The following EEA1 variants were observed in gnomAD, a reference collection of about 807,000 sequenced individuals.
The protein encoded by EEA1 is early endosome antigen 1.
In EEA1, 111 loss-of-function variants were observed where a neutral mutation model predicts 209.2. The observed-to-expected ratio is 0.53, with a 90% confidence interval of 0.45 to 0.62. The LOEUF is 0.62. Among genes scored for constraint, EEA1 ranks in the 20% least tolerant of loss-of-function variants. EEA1 has a pLI of 0.00. For missense variants in EEA1, 1,343 were observed against 1,530.8 expected (o/e 0.88, Z 2.05); for synonymous variants, 536 against 540.6 (o/e 0.99, Z 0.12).
intron 3 of EEA1, among the ~76,000 whole-genome samples, chr12:92,864,034 G>C (rs543216727): frequency 6.6e-6 from 1 of 152,020 alleles, no homozygotes; most frequent in Non-Finnish European, 1.5e-5. Context: ...AAAAATACCC[G>C]AGAGCATTAG....
chr12:92,857,245 A>C, intron 5 of EEA1, 30 bp downstream of exon 5: 1 of 1,521,976 alleles, frequency 6.6e-7, no homozygotes. Flanking sequence ...ACAACTAATA[A>C]ACATGCTTTA....
chr12:92,847,914 G>T (rs1213976741), intron 9 of EEA1, among the ~76,000 whole-genome samples: 2 of 152,054 alleles, frequency 1.3e-5, no homozygotes, highest in African/African-American at 4.8e-5. Context: ...GCTCAAAAGA[G>T]TAAGAGTTTG....
chr12:92,876,558 G>A (rs1878894696), intron 2 of EEA1, among the ~76,000 whole-genome samples: 1 of 152,058 alleles, frequency 6.6e-6, no homozygotes, highest in South Asian at 2.1e-4. Flanking sequence ...CATCAAATCT[G>A]CCAGCACCTT....
At position 92,808,770 on chromosome 12, in the gene EEA1, T is replaced by C. The variant is rs183765943; in HGVS notation, c.2339+247A>G. 4.6e-5 allele frequency among the ~76,000 whole-genome samples: 7 copies of C among 152,318 alleles called. No homozygotes were observed. The East Asian group carries it at 1.3e-3, about 29-fold the overall frequency. ...GCCAGAGAAATGAGCACCATATCAT[T>C]GTTGAAAAGAAACTGGATGACCCAA... On this transcript the variant is annotated intron_variant, in intron 18 of 28. Transcript: ENST00000322349.
At chr12:92,777,443 T>C (rs1320119278) in intron 27 of EEA1, 100 bp downstream of exon 27, 1 of 1,288,900 alleles carries the variant, frequency 7.8e-7, no homozygotes, top group Non-Finnish European at 1.1e-6. Flanking sequence ...TATTTGAAAG[T>C]ATTTATAAAA....
chr12:92,834,981 C>T (rs976861527), intron 10 of EEA1, among the ~76,000 whole-genome samples: 20 of 151,812 alleles, frequency 1.3e-4, no homozygotes, highest in African/African-American at 2.7e-4. Flanking sequence ...TCGGGGTTCA[C>T]GCCATTCTCC....
intron 1 of EEA1, among the ~76,000 whole-genome samples, chr12:92,921,592 A>G (rs1167763422): frequency 2.8e-5 from 3 of 105,998 alleles, no homozygotes; most frequent in African/African-American, 1.1e-4. Context: ...CACTCTGGGG[A>G]CTGTGGTGGG....
At chr12:92,839,972 T>C (rs1054620366) in intron 10 of EEA1, among the ~76,000 whole-genome samples, 2 of 152,202 alleles carry the variant, frequency 1.3e-5, no homozygotes, top group African/African-American at 4.8e-5. Flanking sequence ...GGGTCTCTCA[T>C]GAGGTTATAG....
In EEA1 at chr12:92,883,841, T is replaced by G. The variant is rs1879269984; in HGVS notation, c.117+7788A>C. 8 of 1,602,874 alleles carry G rather than the reference T, an allele frequency of 5.0e-6. No homozygotes were observed. The South Asian group carries it at 8.8e-5, about 18-fold the overall frequency. Reference sequence around the variant, plus strand: ...AAGCTCTTCATTGGAGGGTTGAGCTTTAAAACAACCGATGAGAGCCTGAGG... The same window carrying G: ...AAGCTCTTCATTGGAGGGTTGAGCTGTAAAACAACCGATGAGAGCCTGAGG... On this transcript the variant is annotated intron_variant, in intron 2 of 28. Coordinates refer to ENST00000322349, the MANE Select transcript of EEA1 (RefSeq NM_003566.4).
chr12:92,840,624 T>C (rs1877127722), intron 10 of EEA1, among the ~76,000 whole-genome samples: 1 of 152,186 alleles, frequency 6.6e-6, no homozygotes. Context: ...TGTTGCTCAT[T>C]TATAAAGAAA....
intron 21 of EEA1, among the ~76,000 whole-genome samples, chr12:92,795,425 G>A (rs554727766): frequency 2.6e-5 from 4 of 152,210 alleles, no homozygotes; most frequent in East Asian, 1.9e-4. Flanking sequence ...TGTTTTATTC[G>A]CAGCTGTGTC....
At chr12:92,895,972 T>C (rs1879863776) in intron 1 of EEA1, among the ~76,000 whole-genome samples, 2 of 151,960 alleles carry the variant, frequency 1.3e-5, no homozygotes, top group African/African-American at 2.4e-5. Flanking sequence ...GACTGATAAT[T>C]TTCTTTTTTT....
intron 14 of EEA1, 122 bp from the exon 15 acceptor site, chr12:92,816,522 A>G (rs1875792823): frequency 2.4e-6 from 2 of 841,506 alleles, no homozygotes; most frequent in Non-Finnish European, 3.6e-6. Flanking sequence ...AAAATTTTTC[A>G]AGTAAAATTA....
At chr12:92,859,440 T>C (rs749312130) in intron 3 of EEA1, among the ~76,000 whole-genome samples, 5 of 152,246 alleles carry the variant, frequency 3.3e-5, no homozygotes, top group African/African-American at 7.2e-5. Context: ...TGTGGGTAAG[T>C]TGGGCTTGCT....
chr12:92,847,170 A>T (rs1414469928), intron 9 of EEA1, among the ~76,000 whole-genome samples: 1 of 152,008 alleles, frequency 6.6e-6, no homozygotes, highest in Non-Finnish European at 1.5e-5. Flanking sequence ...TGGTCATGCT[A>T]GTCTTGTACT....
At chr12:92,792,009 G>A (rs1055515683) in intron 21 of EEA1, among the ~76,000 whole-genome samples, 2 of 152,140 alleles carry the variant, frequency 1.3e-5, no homozygotes, top group African/African-American at 4.8e-5. Flanking sequence ...TGAACAACTT[G>A]CTCCTGAATG....
chr12:92,837,045 C>T (rs1876958839), intron 10 of EEA1, among the ~76,000 whole-genome samples: 1 of 150,640 alleles, frequency 6.6e-6, no homozygotes, highest in Admixed American at 6.6e-5. Flanking sequence ...CACTTGAACT[C>T]GGGAGATGGA....
chr12:92,891,874 C>T (rs891186815), intron 1 of EEA1, among the ~76,000 whole-genome samples, 153 bp from the exon 2 acceptor site: 1 of 152,118 alleles, frequency 6.6e-6, no homozygotes, highest in Non-Finnish European at 1.5e-5. Context: ...GAAGAGTGTA[C>T]CTAATGCTGT....
chr12:92,791,673 T>G (rs1874410613), intron 21 of EEA1, among the ~76,000 whole-genome samples: 1 of 152,108 alleles, frequency 6.6e-6, no homozygotes, highest in Non-Finnish European at 1.5e-5. Flanking sequence ...ACAATAATAA[T>G]GGGAGACTTT....
Sources: allele counts gnomAD v4.1 joint callset (sites outside exome capture counted in the v4.1 genomes callset), GRCh38; gene constraint gnomAD v4.1.1; transcripts MANE v1.5; gene names NCBI Gene and HGNC (gene_info 2026-07-23, HGNC 2026-07-21).